ZFHX3: variants seen among roughly 807,000 people sequenced by gnomAD.
ZFHX3 encodes the protein zinc finger homeobox protein 3.
Under a neutral mutation model 279.1 loss-of-function variants are expected in ZFHX3, and 42 were observed. The observed-to-expected ratio is 0.15, with a 90% CI of 0.12 to 0.19. ZFHX3 has a LOEUF of 0.19. Among genes scored for constraint, ZFHX3 ranks in the 10% least tolerant of loss-of-function variants. ZFHX3 has a pLI of 1.00. For missense variants in ZFHX3, 4,981 were observed against 4,754.0 expected (o/e 1.05, Z -1.40); for synonymous variants, 2,293 against 1,957.8 (o/e 1.17, Z -4.52).
intron 2 of ZFHX3, among the ~76,000 whole-genome samples, chr16:73,518,458 C>T (rs904706506): frequency 6.6e-6 from 1 of 152,160 alleles, no homozygotes; most frequent in African/African-American, 2.4e-5. Context: ...GGTCCCTAAC[C>T]TTTCATGAGG....
chr16:73,463,790 C>T (rs1055000104), intron 2 of ZFHX3, among the ~76,000 whole-genome samples: 2 of 152,136 alleles, frequency 1.3e-5, no homozygotes, highest in African/African-American at 4.8e-5. Flanking sequence ...ATATGCAGTG[C>T]ACTAAACAGA....
chr16:73,092,141 C>T (rs1412635122), intron 8 of ZFHX3, among the ~76,000 whole-genome samples: 1 of 152,174 alleles, frequency 6.6e-6, no homozygotes, highest in Non-Finnish European at 1.5e-5. Flanking sequence ...TAGTAACTTG[C>T]CCAAGAACAC....
intron 4 of ZFHX3, among the ~76,000 whole-genome samples, chr16:73,316,123 T>A (rs1216411920): frequency 6.6e-6 from 1 of 152,074 alleles, no homozygotes; most frequent in Non-Finnish European, 1.5e-5. Flanking sequence ...GAAAAATAAA[T>A]CCGGAAGCTT....
At chr16:73,710,340 G>A (rs536779811) in intron 1 of ZFHX3, among the ~76,000 whole-genome samples, 70 of 152,252 alleles carry the variant, frequency 4.6e-4, no homozygotes, top group Middle Eastern at 3.4e-3. Context: ...AAGGTTTTAG[G>A]AAAAAGCCAC....
chr16:73,846,677 T>C (rs1167344086), intron 1 of ZFHX3, among the ~76,000 whole-genome samples: 1 of 152,204 alleles, frequency 6.6e-6, no homozygotes, highest in Non-Finnish European at 1.5e-5. Flanking sequence ...TACTTGTGCA[T>C]GAGAAAACGT....
Position 73,479,937 on chromosome 16 carries a change from G to A in ZFHX3, c.-1546-23679C>T, listed in dbSNP as rs568644100. ...TTATGGCTGGGCAAATGGAGGCATG[G>A]GGAGGTTAAAAGCTCCGGGTCAACC... On this transcript the variant is annotated intron_variant, in intron 2 of 17. Coordinates refer to the ZFHX3 transcript ENST00000641206. Among the ~76,000 whole-genome samples, 3 of 152,158 alleles carry A rather than the reference G, an allele frequency of 2.0e-5. No homozygotes were observed. In the South Asian group the frequency reaches 6.2e-4, roughly 32 times the overall value.
intron 4 of ZFHX3, among the ~76,000 whole-genome samples, chr16:73,317,886 CCATTCCCAAT>C (rs2015490011): frequency 6.6e-6 from 1 of 152,150 alleles, no homozygotes; most frequent in African/African-American, 2.4e-5. Context: ...GAGGGAATTC[CCATTCCCAAT>C]CTTTCCCAGA....
intron 5 of ZFHX3, among the ~76,000 whole-genome samples, chr16:73,219,903 C>T (rs762081891): frequency 1.1e-4 from 16 of 152,004 alleles, no homozygotes; most frequent in South Asian, 2.1e-4. Flanking sequence ...CTGGCCAACA[C>T]GGTGAAACCC....
At chr16:73,787,413 T>G (rs1023280970) in intron 1 of ZFHX3, among the ~76,000 whole-genome samples, 1 of 152,210 alleles carries the variant, frequency 6.6e-6, no homozygotes, top group Non-Finnish European at 1.5e-5. Flanking sequence ...CGTCCCATTT[T>G]GGATGACTGA....
intron 5 of ZFHX3, among the ~76,000 whole-genome samples, chr16:73,156,008 G>C (rs1345531010): frequency 6.6e-6 from 1 of 151,938 alleles, no homozygotes; most frequent in Non-Finnish European, 1.5e-5. Context: ...CGAGATGGGC[G>C]GATCACAAGG....
At chr16:73,306,886 A>G (rs145833215) in intron 4 of ZFHX3, among the ~76,000 whole-genome samples, 1 of 152,310 alleles carries the variant, frequency 6.6e-6, no homozygotes, top group Non-Finnish European at 1.5e-5. Context: ...TCAATTTCCC[A>G]GCTTAGACAT....
At chr16:73,260,428 G>A (rs150187493) in intron 4 of ZFHX3, among the ~76,000 whole-genome samples, 52 of 152,162 alleles carry the variant, frequency 3.4e-4, no homozygotes, top group Admixed American at 4.6e-4. Context: ...TGCTACTATC[G>A]ATGTTTATTT....
At chr16:73,623,769 T>C (rs2052390593) in intron 2 of ZFHX3, among the ~76,000 whole-genome samples, 1 of 152,186 alleles carries the variant, frequency 6.6e-6, no homozygotes, top group Admixed American at 6.5e-5. Context: ...AATCCATGTA[T>C]CCTTTAGCTT....
chr16:73,772,792 C>G (rs550803722), intron 1 of ZFHX3, among the ~76,000 whole-genome samples: 5 of 152,202 alleles, frequency 3.3e-5, no homozygotes, highest in Non-Finnish European at 7.3e-5. Context: ...GCTATCTAAT[C>G]TGGCTGTCAC....
intron 4 of ZFHX3, among the ~76,000 whole-genome samples, chr16:72,857,654 C>T (rs762708739): frequency 6.6e-6 from 1 of 152,192 alleles, no homozygotes; most frequent in Non-Finnish European, 1.5e-5. Flanking sequence ...CACTGCACTC[C>T]AGCCTGGGTG....
intron 3 of ZFHX3, among the ~76,000 whole-genome samples, chr16:72,905,521 T>A (rs965587532): frequency 4.6e-5 from 7 of 152,158 alleles, no homozygotes; most frequent in African/African-American, 1.4e-4. Context: ...GATTCAGGTA[T>A]CTGAGCACCA....
chr16:73,273,560 A>C (rs1290433077), intron 4 of ZFHX3, among the ~76,000 whole-genome samples: 1 of 152,318 alleles, frequency 6.6e-6, no homozygotes, highest in East Asian at 1.9e-4. Context: ...CAAAGGACTC[A>C]TACTGAACCA....
At chr16:73,597,338 T>C (rs1353343759) in intron 2 of ZFHX3, among the ~76,000 whole-genome samples, 1 of 152,158 alleles carries the variant, frequency 6.6e-6, no homozygotes, top group Non-Finnish European at 1.5e-5. Context: ...CTGTAGACTA[T>C]CTATTTAGGT....
intron 4 of ZFHX3, among the ~76,000 whole-genome samples, chr16:73,289,348 G>A (rs984310039): frequency 6.6e-6 from 1 of 151,928 alleles, no homozygotes; most frequent in Non-Finnish European, 1.5e-5. Context: ...GGGGGAGGTA[G>A]GTGGTTCCCT....
Sources: allele counts gnomAD v4.1 joint callset (sites outside exome capture counted in the v4.1 genomes callset), GRCh38; gene constraint gnomAD v4.1.1; transcripts MANE v1.5; gene names NCBI Gene and HGNC (gene_info 2026-07-23, HGNC 2026-07-21).